The following ATP9A variants were observed in gnomAD, a reference collection of about 807,000 sequenced individuals.
ATP9A encodes probable phospholipid-transporting ATPase IIA.
A neutral mutation model predicts 144.1 loss-of-function variants in ATP9A; 52 were observed. The observed-to-expected ratio is 0.36, with a 90% CI of 0.29 to 0.45. The LOEUF (loss-of-function observed/expected upper bound fraction) is 0.45. Ranked by LOEUF, ATP9A falls within the 20% of genes least tolerant of loss-of-function variation. ATP9A has a pLI of 1.00. For missense variants in ATP9A, 947 were observed against 1,392.7 expected (o/e 0.68, Z 5.09); for synonymous variants, 582 against 557.4 (o/e 1.04, Z -0.62).
chr20:51,728,036 T>C (rs372743972), intron 2 of ATP9A, among the ~76,000 whole-genome samples: 98 of 152,150 alleles, frequency 6.4e-4, no homozygotes, highest in African/African-American at 2.0e-3. Flanking sequence ...GTTCTGACCA[T>C]TGGCATGCAC....
chr20:51,627,204 T>C (rs1428459546), intron 17 of ATP9A, among the ~76,000 whole-genome samples: 1 of 152,172 alleles, frequency 6.6e-6, no homozygotes, highest in African/African-American at 2.4e-5. Context: ...GTCAAGTTTA[T>C]ATTCTTCTGG....
chr20:51,601,092 A>C lies in ATP9A; in HGVS notation c.*119T>G. On this transcript the variant is annotated 3_prime_UTR_variant, in exon 28 of 28. Transcript: ENST00000338821. The stretch of plus-strand genomic sequence containing the variant: ...TTAGGCGCAGAGCCACTTCCCATTA[A>C]AACTGCATGTGTTAGCAATTACTGC... 1 of 1,290,628 alleles carries C rather than the reference A, an allele frequency of 7.7e-7. No homozygotes were observed. Among genetic ancestry groups the C allele is most frequent in the Non-Finnish European group, 1.0e-6 (1 of 956,158 alleles). The allele number at this position is 1,290,628 out of a possible 1,614,324, so 79.9% of individuals were successfully genotyped here. A position where few individuals can be genotyped will look rare whatever the true frequency, so the allele number is the denominator to read the frequency against.
chr20:51,639,166 C>T (rs1410329866), intron 15 of ATP9A, among the ~76,000 whole-genome samples, 177 bp downstream of exon 15: 3 of 152,132 alleles, frequency 2.0e-5, no homozygotes, highest in Non-Finnish European at 2.9e-5. Flanking sequence ...ATCAGAGTTA[C>T]GGGGTGTGTC....
At chr20:51,662,648 C>CTCTAG (rs2077415647) in intron 13 of ATP9A, among the ~76,000 whole-genome samples, 1 of 151,566 alleles carries the variant, frequency 6.6e-6, no homozygotes, top group South Asian at 2.1e-4. Context: ...ACTTGTCTTA[C>CTCTAG]TCTAGTCTGG....
At chr20:51,616,344 A>T (rs966239526) in intron 22 of ATP9A, among the ~76,000 whole-genome samples, 7 of 137,320 alleles carry the variant, frequency 5.1e-5, no homozygotes, top group African/African-American at 1.8e-4. Context: ...TTTGAGATGG[A>T]GTTTTGCTCT....
chr20:51,725,670 A>G, intron 3 of ATP9A, 149 bp downstream of exon 3: 1 of 592,184 alleles, frequency 1.7e-6, no homozygotes. Flanking sequence ...TCAACGTTAA[A>G]GTCTCAGAGA....
intron 15 of ATP9A, among the ~76,000 whole-genome samples, chr20:51,631,239 AAC>A (rs1164470379): frequency 1.8e-4 from 27 of 152,204 alleles, no homozygotes. Context: ...CTTTTAGAAC[AAC>A]ATGCTGACTC....
chr20:51,678,827 G>A (rs771006535), intron 9 of ATP9A, among the ~76,000 whole-genome samples: 61 of 152,212 alleles, frequency 4.0e-4, no homozygotes, highest in Non-Finnish European at 1.8e-4. Flanking sequence ...AAATGCTGCT[G>A]AAAATGGCCT....
At position 51,674,278 on chromosome 20, in the gene ATP9A, G is replaced by C. The variant is rs921757956; in HGVS notation, c.912C>G (p.Thr304=). 2.5e-6 allele frequency: 4 copies of C among 1,613,632 alleles called. No individual in the cohort carries two copies. Among genetic ancestry groups the C allele is most frequent in the Admixed American group, 3.3e-5 (2 of 59,946 alleles). The change falls in exon 11 of 28, where the codon ACC becomes ACG. Residue 304 remains threonine (T), a synonymous_variant. Coordinates refer to ENST00000338821, the MANE Select transcript of ATP9A (RefSeq NM_006045.3). ...CCACCAGGGCACCAAAGAGGATCTT[G>C]GTGAGGCAGTTCACTTCCAAGTCGA... ...GLFDLEVNCL[T]KILFGALVVV... is the part of the protein sequence containing the mutation.
chr20:51,665,475 T>C (rs1359130827), intron 13 of ATP9A, among the ~76,000 whole-genome samples: 1 of 152,060 alleles, frequency 6.6e-6, no homozygotes, highest in Admixed American at 6.5e-5. Flanking sequence ...TCCCAGCACT[T>C]TGGGAGGCCG....
chr20:51,700,244 G>C (rs1055321439), intron 4 of ATP9A, among the ~76,000 whole-genome samples: 6 of 152,096 alleles, frequency 3.9e-5, no homozygotes, highest in African/African-American at 1.4e-4. Flanking sequence ...AAAGAGGCCG[G>C]ACACAGTGAC....
At chr20:51,696,949 T>C (rs2077572981) in intron 5 of ATP9A, among the ~76,000 whole-genome samples, 1 of 152,198 alleles carries the variant, frequency 6.6e-6, no homozygotes, top group Non-Finnish European at 1.5e-5. Flanking sequence ...TTTTTTAAAA[T>C]GTATTTTTGG....
chr20:51,679,648 C>A (rs2077491836), intron 9 of ATP9A, among the ~76,000 whole-genome samples: 1 of 152,176 alleles, frequency 6.6e-6, no homozygotes, highest in Non-Finnish European at 1.5e-5. Context: ...GCAGGCCACG[C>A]AGCCCTTTCC....
At chr20:51,619,579 G>T (rs1486572996) in intron 19 of ATP9A, among the ~76,000 whole-genome samples, 1 of 60,016 alleles carries the variant, frequency 1.7e-5, no homozygotes, top group African/African-American at 7.0e-5. Context: ...AAAAAAAAGG[G>T]GGGGGGGGGC....
At chr20:51,740,346 C>T (rs2077779512) in intron 1 of ATP9A, among the ~76,000 whole-genome samples, 1 of 151,060 alleles carries the variant, frequency 6.6e-6, no homozygotes, top group South Asian at 2.1e-4. Flanking sequence ...GTATGAGCCA[C>T]CACGCCCCAG....
chr20:51,613,542 A>C, intron 23 of ATP9A, 135 bp downstream of exon 23: 1 of 1,052,398 alleles, frequency 9.5e-7, no homozygotes, highest in Non-Finnish European at 1.3e-6. Flanking sequence ...GACAGCTCCA[A>C]AGCATAATCT....
At chr20:51,721,566 A>G (rs1387665282) in intron 3 of ATP9A, among the ~76,000 whole-genome samples, 1 of 152,092 alleles carries the variant, frequency 6.6e-6, no homozygotes, top group Non-Finnish European at 1.5e-5. Flanking sequence ...TTGGGAGGCC[A>G]AGGTGGGTGG....
intron 7 of ATP9A, among the ~76,000 whole-genome samples, chr20:51,693,456 G>T (rs760239468): frequency 6.6e-6 from 1 of 152,186 alleles, no homozygotes; most frequent in Non-Finnish European, 1.5e-5. Context: ...AGCTGAAGAC[G>T]ACAGCAAGCA....
At chr20:51,700,544 G>A (rs1230758870) in intron 4 of ATP9A, among the ~76,000 whole-genome samples, 1 of 152,146 alleles carries the variant, frequency 6.6e-6, no homozygotes, top group Non-Finnish European at 1.5e-5. Context: ...CAGAGAAAGA[G>A]AGAGCGCCGG....
Sources: allele counts gnomAD v4.1 joint callset (sites outside exome capture counted in the v4.1 genomes callset), GRCh38; gene constraint gnomAD v4.1.1; transcripts MANE v1.5; gene names NCBI Gene and HGNC (gene_info 2026-07-23, HGNC 2026-07-21).